The following MECOM variants were observed in gnomAD, a reference collection of about 807,000 sequenced individuals.
MECOM encodes histone-lysine N-methyltransferase MECOM.
A neutral mutation model predicts 116.3 loss-of-function variants in MECOM; 13 were observed. The observed-to-expected ratio is 0.11, with a 90% confidence interval of 0.07 to 0.18. MECOM has a LOEUF of 0.18. Ranked by LOEUF, MECOM falls within the 10% of genes least tolerant of loss-of-function variation. The pLI is 1.00. For synonymous variants in MECOM, 528 were observed against 535.2 expected, an observed-to-expected ratio of 0.99 and a Z score of 0.19; for missense variants, 1,299 against 1,509.0, an observed-to-expected ratio of 0.86 and a Z score of 2.31.
chr3:169,242,851 C>T (rs1457330229), intron 2 of MECOM, among the ~76,000 whole-genome samples: 1 of 147,446 alleles, frequency 6.8e-6, no homozygotes, highest in African/African-American at 2.5e-5. Context: ...CATTAGACTG[C>T]TTGCTTTTTT....
Position 169,270,527 on chromosome 3 carries a change from T to G in MECOM, c.375+110660A>C, listed in dbSNP as rs534705803. 2.6e-5 allele frequency among the ~76,000 whole-genome samples: 4 copies of G among 152,226 alleles called. No homozygotes were observed. In the South Asian group the frequency reaches 8.3e-4, roughly 32 times the overall value. On this transcript the variant is annotated intron_variant, in intron 2 of 16. Transcript: ENST00000651503. The stretch of plus-strand genomic sequence containing the variant: ...AAAATACACTTATATCCTAAAGCTT[T>G]GAAAACTGTTATAACCCTTTCAGAA...
chr3:169,604,214 G>C (rs1240106392), intron 1 of MECOM, among the ~76,000 whole-genome samples: 6 of 151,998 alleles, frequency 3.9e-5, no homozygotes, highest in African/African-American at 9.7e-5. Flanking sequence ...ATACAAAAGA[G>C]AGAGAAATCT....
chr3:169,601,776 CA>C (rs1767859255), intron 1 of MECOM, among the ~76,000 whole-genome samples: 1 of 152,132 alleles, frequency 6.6e-6, no homozygotes, highest in South Asian at 2.1e-4. Flanking sequence ...GCAAAAGACA[CA>C]AGTAACACTG....
At chr3:169,425,848 C>T (rs188861143) in intron 1 of MECOM, among the ~76,000 whole-genome samples, 4 of 152,046 alleles carry the variant, frequency 2.6e-5, no homozygotes, top group African/African-American at 9.6e-5. Flanking sequence ...TATTCTACAA[C>T]ATGGGAAAAT....
rs142661276 is a variant in MECOM at position 169,599,348 on chromosome 3, T to C, written c.37+63988A>G. Among the ~76,000 whole-genome samples the C allele has an allele frequency of 3.0e-3, 451 of 152,124 alleles. 1 individual carries two copies. The highest frequency in any genetic ancestry group is 0.01 in the African/African-American group (431 of 41,496). On this transcript the variant is annotated intron_variant, in intron 1 of 16. Coordinates refer to ENST00000651503, the MANE Select transcript of MECOM (RefSeq NM_004991.4). The stretch of plus-strand genomic sequence containing the variant: ...GGCCAACATGGTGAAACCCCATCTC[T>C]ACTTAAAATACAAAAATCAGCTGGG...
chr3:169,449,178 C>T (rs79792599), intron 1 of MECOM, among the ~76,000 whole-genome samples: 113 of 152,254 alleles, frequency 7.4e-4, no homozygotes, highest in Non-Finnish European at 1.4e-3. Flanking sequence ...TGCAGTCATG[C>T]ACTATAGCCA....
intron 2 of MECOM, among the ~76,000 whole-genome samples, chr3:169,176,383 A>G (rs903780152): frequency 1.3e-5 from 2 of 152,208 alleles, no homozygotes; most frequent in Non-Finnish European, 2.9e-5. Context: ...CTCCTATTCA[A>G]TAAATGGTGC....
intron 1 of MECOM, among the ~76,000 whole-genome samples, chr3:169,592,938 G>A (rs1424076596): frequency 2.6e-5 from 4 of 151,956 alleles, no homozygotes; most frequent in Non-Finnish European, 2.9e-5. Flanking sequence ...TAAAAAATAC[G>A]GTGTATGTTT....
chr3:169,108,799 A>G (rs1726307121), intron 9 of MECOM, among the ~76,000 whole-genome samples: 1 of 152,200 alleles, frequency 6.6e-6, no homozygotes. Context: ...TGTGTAAATT[A>G]TAACTTAGGA....
chr3:169,480,553 G>T (rs541719666), intron 1 of MECOM, among the ~76,000 whole-genome samples: 3 of 151,710 alleles, frequency 2.0e-5, no homozygotes, highest in Non-Finnish European at 4.4e-5. Flanking sequence ...ACCTCTTTAC[G>T]TAAATAAGTT....
At chr3:169,139,397 G>GTTTGAATTAAAT (rs68193312) in intron 3 of MECOM, among the ~76,000 whole-genome samples, 123,147 of 151,784 alleles carry the variant, frequency 0.81, 50,671 homozygotes, top group African/African-American at 0.85. Flanking sequence ...CAGGCCAGGA[G>GTTTGAATTAAAT]TGTGTTCCTT....
At chr3:169,274,439 A>C (rs1390303281) in intron 2 of MECOM, among the ~76,000 whole-genome samples, 1 of 152,204 alleles carries the variant, frequency 6.6e-6, no homozygotes, top group African/African-American at 2.4e-5. Context: ...CTAAGTTGCC[A>C]AAAATACCTA....
intron 1 of MECOM, among the ~76,000 whole-genome samples, chr3:169,619,287 G>A (rs185963812): frequency 9.1e-4 from 138 of 152,308 alleles, no homozygotes; most frequent in African/African-American, 3.2e-3. Context: ...GAGAGCCAGG[G>A]GAGGGATTAC....
At chr3:169,183,222 G>A (rs1212205101) in intron 2 of MECOM, among the ~76,000 whole-genome samples, 1 of 152,148 alleles carries the variant, frequency 6.6e-6, no homozygotes, top group African/African-American at 2.4e-5. Flanking sequence ...GGGCTAGTGA[G>A]CTTATCTGGA....
chr3:169,162,904 G>T (rs183268554), intron 2 of MECOM, among the ~76,000 whole-genome samples: 5 of 152,116 alleles, frequency 3.3e-5, no homozygotes, highest in Non-Finnish European at 5.9e-5. Flanking sequence ...ACACACTAAA[G>T]GTTCATATCC....
chr3:169,337,727 A>G (rs1723805181), intron 2 of MECOM, among the ~76,000 whole-genome samples: 3 of 152,122 alleles, frequency 2.0e-5, no homozygotes, highest in Non-Finnish European at 4.4e-5. Flanking sequence ...CTGGAACTGA[A>G]TCCTTATAAA....
chr3:169,186,231 C>G (rs1746687592), intron 2 of MECOM, among the ~76,000 whole-genome samples: 1 of 151,222 alleles, frequency 6.6e-6, no homozygotes, highest in South Asian at 2.1e-4. Flanking sequence ...GTGACCAGCT[C>G]AGTATATGGG....
At chr3:169,269,187 T>G (rs576440946) in intron 2 of MECOM, 1 of 152,126 alleles carries the variant, frequency 6.6e-6, no homozygotes, top group East Asian at 1.9e-4. Flanking sequence ...ATGTTGCTGC[T>G]CTCCTTTTCT....
At chr3:169,102,371 AAAC>A (rs1723885369) in intron 10 of MECOM, 145 bp from the exon 11 acceptor site, 3 of 601,802 alleles carry the variant, frequency 5.0e-6, no homozygotes, top group Non-Finnish European at 5.3e-6. Context: ...AATATTAAAT[AAAC>A]AACAACAGAA....
Sources: allele counts gnomAD v4.1 joint callset (sites outside exome capture counted in the v4.1 genomes callset), GRCh38; gene constraint gnomAD v4.1.1; transcripts MANE v1.5; gene names NCBI Gene and HGNC (gene_info 2026-07-23, HGNC 2026-07-21).